Variants in MTF1 observed in about 807,000 individuals in gnomAD.
MTF1 encodes MRE-binding transcription factor.
Under a neutral mutation model 70.4 loss-of-function variants are expected in MTF1, and 22 were observed. That is an observed-to-expected ratio of 0.31 (90% confidence interval 0.22 to 0.45). The LOEUF (loss-of-function observed/expected upper bound fraction) is 0.45, where lower values mean the gene tolerates loss of function less well. Ranked by LOEUF, MTF1 falls within the 20% of genes least tolerant of loss-of-function variation. The pLI, the probability that MTF1 is intolerant of heterozygous loss-of-function variation, is 1.00. For missense variants in MTF1, 649 were observed against 922.0 expected (o/e 0.70, Z 3.83); for synonymous variants, 333 against 352.8 (o/e 0.94, Z 0.63).
chr1:37,823,629 A>G (rs1195150695), intron 8 of MTF1, 81 bp downstream of exon 8: 1 of 1,086,586 alleles, frequency 9.2e-7, no homozygotes, highest in Non-Finnish European at 1.4e-6. Flanking sequence ...CATTTACGCT[A>G]ACTAGAATGA....
chr1:37,858,057 T>C (rs1043362445), intron 1 of MTF1, among the ~76,000 whole-genome samples: 1 of 151,404 alleles, frequency 6.6e-6, no homozygotes, highest in African/African-American at 2.4e-5. Flanking sequence ...GCAATGCTTT[T>C]CAAAAACTGA....
rs538283687 is a variant in MTF1, at chr1:37,815,345, C to G, written c.2053G>C (p.Gly685Arg). 4 of 1,614,028 alleles carry G rather than the reference C, an allele frequency of 2.5e-6. No homozygotes were observed. The South Asian group carries it at 3.3e-5, about 13-fold the overall frequency. ...AQTFSSAPVP[G>R]SSSSTLPSSC... ...GAGGGCAAGGTAGAGGATGATGACC[C>G]GGGAACAGGGGCTGAAGAGAAAGTC... is the stretch of plus-strand genomic sequence containing the variant. Residue 685 changes from glycine (G) to arginine (R), a missense_variant, in exon 11 of 11, where the codon GGG becomes CGG. By Grantham distance (125) the Gly-to-Arg change is moderately radical. Transcript: ENST00000373036. This position sits in a 1 kb window ranked among gnomAD's most constrained non-coding sequence, Gnocchi z 4.5.
At chr1:37,828,306 T>C (rs760644003) in intron 7 of MTF1, 1 of 388,106 alleles carries the variant, frequency 2.6e-6, no homozygotes, top group Non-Finnish European at 5.0e-6. Flanking sequence ...TTATTTTGTT[T>C]GTTTTCTTTT....
intron 9 of MTF1, among the ~76,000 whole-genome samples, chr1:37,821,261 A>G (rs948048959): frequency 1.3e-5 from 2 of 152,080 alleles, no homozygotes; most frequent in African/African-American, 2.4e-5. Context: ...AAAGTCCAAA[A>G]AAAAGTAATC....
At position 37,838,633 on chromosome 1, in the gene MTF1, CT is replaced by C; in HGVS notation, c.770del (p.Lys257SerfsTer54). The C allele has an allele frequency of 6.2e-7, 1 of 1,611,730 alleles. No individual in the cohort carries two copies. Among genetic ancestry groups the C allele is most frequent in the Non-Finnish European group, 8.5e-7 (1 of 1,178,470 alleles). ...RKHIRTHTGE[K>X]PFRCDHDGCG... ...AAAACAGTAAGACCTACCGAAATGGCTTTTCCCCTGTATGAGTTCGAATGTG... is the reference window on the plus strand; with the variant it reads ...AAAACAGTAAGACCTACCGAAATGGCTTTCCCCTGTATGAGTTCGAATGTG... On this transcript the variant is annotated frameshift_variant, in exon 4 of 11. Coordinates refer to ENST00000373036, the MANE Select transcript of MTF1 (RefSeq NM_005955.3). LOFTEE classifies it high-confidence loss of function.
intron 2 of MTF1, among the ~76,000 whole-genome samples, chr1:37,845,746 AT>A (rs1641322506): frequency 2.0e-5 from 3 of 152,026 alleles, no homozygotes; most frequent in Admixed American, 2.0e-4. Context: ...CCTCAAATAA[AT>A]TTCTCACCTC....
chr1:37,822,169 T>C lies in MTF1; in HGVS notation c.1719A>G (p.Gln573=), dbSNP rs368725669. The change falls in exon 9 of 11, where the codon CAA becomes CAG. Residue 573 remains glutamine (Q), a synonymous_variant. Coordinates refer to ENST00000373036, the MANE Select transcript of MTF1 (RefSeq NM_005955.3). ...SSLVMGEQNL[Q]WILNGATSSP... ...AACTGGTGGCACCATTTAATATCCATTGTAAGTTCTGTTCTCCCATGACTA... is the reference window on the plus strand; with the variant it reads ...AACTGGTGGCACCATTTAATATCCACTGTAAGTTCTGTTCTCCCATGACTA... 8.7e-6 allele frequency: 14 copies of C among 1,612,862 alleles called. No homozygotes were observed. Among genetic ancestry groups the C allele is most frequent in the East Asian group, 2.2e-5 (1 of 44,880 alleles).
At chr1:37,834,813 G>C (rs568170036) in intron 6 of MTF1, 26 of 576,114 alleles carry the variant, frequency 4.5e-5, no homozygotes, top group Non-Finnish European at 4.2e-5. Flanking sequence ...TTTGCCACTA[G>C]AAAACCAGAG....
rs955842755 is a variant in MTF1, at chr1:37,815,008, G to A, written c.*128C>T. On this transcript the variant is annotated 3_prime_UTR_variant, in exon 11 of 11. Transcript: ENST00000373036. The surrounding 1 kb of genome is among the most constrained non-coding windows in gnomAD (Gnocchi z 4.5). ...CCTGGGATGTGAATAAAGAAAATAC[G>A]TCTGAAAGGTGAGGATTTCAAACAG... 5.4e-6 allele frequency: 4 copies of A among 747,064 alleles called. No homozygotes were observed. Among genetic ancestry groups the A allele is most frequent in the Non-Finnish European group, 4.4e-6 (2 of 459,610 alleles). The allele number at this position is 747,064 out of a possible 1,614,324, so 46.3% of individuals were successfully genotyped here.
intron 9 of MTF1, 100 bp from the exon 10 acceptor site, chr1:37,817,582 GA>G (rs1478242638): frequency 1.2e-6 from 1 of 827,516 alleles, no homozygotes; most frequent in Non-Finnish European, 2.1e-6. Context: ...CAAGAAGACA[GA>G]AAACCCTTAG....
At chr1:37,819,770 GGT>G (rs1286380979) in intron 9 of MTF1, among the ~76,000 whole-genome samples, 1 of 151,986 alleles carries the variant, frequency 6.6e-6, no homozygotes, top group Non-Finnish European at 1.5e-5. Context: ...TGGCCAACAT[GGT>G]GAAACCCTGT....
chr1:37,849,358 G>A (rs1251109761), intron 2 of MTF1, among the ~76,000 whole-genome samples: 1 of 151,916 alleles, frequency 6.6e-6, no homozygotes, highest in African/African-American at 2.4e-5. Context: ...CCCTGGAGGC[G>A]GAGGTTGCAG....
Position 37,822,317 on chromosome 1 carries a change from C to A in MTF1, c.1571G>T (p.Ser524Ile), listed in dbSNP as rs1243482087. Residue 524 changes from serine to isoleucine, a missense_variant, in exon 9 of 11, where the codon AGT (serine) becomes ATT (isoleucine). Around this residue, in one of 7 missense-constraint regions of MTF1, gnomAD observed 267 missense variants for 292.1 expected, o/e 0.91. Coordinates refer to ENST00000373036, the MANE Select transcript of MTF1 (RefSeq NM_005955.3). The stretch of plus-strand genomic sequence containing the variant: ...CATGGCTGGCAGGGGCTCAGTAGTA[C>A]TTTGTGGTGGGGCTGGTGCTGCCAC... ...SAVAAPAPPQSTTEPLPAMVQ... is the reference protein window; with the variant it reads ...SAVAAPAPPQITTEPLPAMVQ... The A allele has an allele frequency of 1.2e-6, 2 of 1,613,606 alleles. No individual in the cohort carries two copies.
chr1:37,836,143 C>T (rs955252026), intron 4 of MTF1, among the ~76,000 whole-genome samples: 1 of 152,018 alleles, frequency 6.6e-6, no homozygotes, highest in East Asian at 1.9e-4. Flanking sequence ...ATATTCAGAA[C>T]ACTAAGATCA....
chr1:37,832,096 C>A, intron 7 of MTF1, 149 bp downstream of exon 7: 2 of 595,718 alleles, frequency 3.4e-6, no homozygotes, highest in South Asian at 4.4e-5. Context: ...GAACTCTTAT[C>A]AGAAGAAGAA....
Position 37,815,154 on chromosome 1 carries a change from G to A in MTF1, c.2244C>T (p.Thr748=). 6.2e-7 allele frequency: 1 copy of A among 1,614,056 alleles called. No individual in the cohort carries two copies. The highest frequency in any genetic ancestry group is 8.5e-7 in the Non-Finnish European group (1 of 1,179,986). Residue 748 remains threonine (T), a synonymous_variant, in exon 11 of 11, where the codon ACC becomes ACT. Transcript: ENST00000373036. This position sits in a 1 kb window ranked among gnomAD's most constrained non-coding sequence, Gnocchi z 4.5. ...LLQGEEEMGL[T]SSFSK Reference sequence around the variant, plus strand: ...GGGCCCTTCACTTGGAGAAGCTGCTGGTGAGGCCCATCTCCTCCTCCCCCT... The same window carrying A: ...GGGCCCTTCACTTGGAGAAGCTGCTAGTGAGGCCCATCTCCTCCTCCCCCT...
intron 6 of MTF1, among the ~76,000 whole-genome samples, chr1:37,832,947 A>T (rs924596956): frequency 9.2e-5 from 14 of 152,090 alleles, no homozygotes; most frequent in Non-Finnish European, 2.1e-4. Flanking sequence ...CAGAGGTTGC[A>T]GGGAGCCAAG....
At chr1:37,826,969 A>G (rs1372511390) in intron 7 of MTF1, among the ~76,000 whole-genome samples, 3 of 151,882 alleles carry the variant, frequency 2.0e-5, no homozygotes, top group Non-Finnish European at 4.4e-5. Flanking sequence ...ATGGAGCAAG[A>G]CTCCATCTCA....
chr1:37,844,242 TAC>T (rs1641299773), intron 2 of MTF1, among the ~76,000 whole-genome samples: 1 of 152,204 alleles, frequency 6.6e-6, no homozygotes, highest in African/African-American at 2.4e-5. Flanking sequence ...TAAGCAACAG[TAC>T]ACTCTTACCC....
Sources: gnomAD v4.1 joint callset for allele counts (sites outside exome capture counted in the v4.1 genomes callset) on GRCh38, gnomAD v4.1.1 for gene constraint, gnomAD v4.1.1 regional missense constraint, Gnocchi (gnomAD v3.1) non-coding constraint, MANE v1.5 for transcripts, NCBI Gene and HGNC (gene_info 2026-07-23, HGNC 2026-07-21) for gene names.